The following TG variants were observed in gnomAD, a reference collection of about 807,000 sequenced individuals.
TG encodes thyroglobulin, also known as thyroid hormones.
In TG, 270 loss-of-function variants were observed where a neutral mutation model predicts 324.7. That is an observed-to-expected ratio of 0.83 (90% CI 0.75 to 0.92). TG has a LOEUF of 0.92. Ranked by LOEUF, TG falls within the 40% of genes least tolerant of loss-of-function variation. The pLI is 0.00. For synonymous variants in TG, 1,401 were observed against 1,327.0 expected (o/e 1.06, Z -1.21); for missense variants, 3,591 against 3,456.4 (o/e 1.04, Z -0.98).
intron 41 of TG, chr8:133,064,120 C>T (rs1842761579): frequency 6.6e-6 from 1 of 152,144 alleles, no homozygotes; most frequent in South Asian, 2.1e-4. Context: ...CCTTATTTTC[C>T]CTCCGGTCTT....
intron 41 of TG, among the ~76,000 whole-genome samples, chr8:133,041,643 TAGAC>T (rs911470225): frequency 6.8e-4 from 104 of 152,236 alleles, no homozygotes; most frequent in African/African-American, 2.4e-3. Context: ...TGTCCTTCCT[TAGAC>T]AGGTTAATAC....
At chr8:132,896,938 A>C (rs1354615037) in intron 11 of TG, among the ~76,000 whole-genome samples, 1 of 152,168 alleles carries the variant, frequency 6.6e-6, no homozygotes, top group African/African-American at 2.4e-5. Flanking sequence ...ATGCAGTTTC[A>C]TTAGTGGGGT....
chr8:133,052,521 A>G (rs1205878649), intron 41 of TG, among the ~76,000 whole-genome samples: 3 of 152,172 alleles, frequency 2.0e-5, no homozygotes, highest in Admixed American at 6.5e-5. Flanking sequence ...ACCTTCCCCA[A>G]ACCTGTGGGG....
chr8:133,038,496 G>A, intron 41 of TG: 1 of 1,524,698 alleles, frequency 6.6e-7, no homozygotes, highest in Non-Finnish European at 9.1e-7. Context: ...TGTTCCTTTT[G>A]GGCATGAACC....
intron 22 of TG, among the ~76,000 whole-genome samples, chr8:132,925,884 A>G (rs908295003): frequency 4.6e-5 from 7 of 152,266 alleles, no homozygotes; most frequent in African/African-American, 1.7e-4. Context: ...AACAGTTTAA[A>G]CAGTGGCACC....
chr8:132,998,580 G>C (rs754944456), intron 35 of TG, among the ~76,000 whole-genome samples: 9 of 152,218 alleles, frequency 5.9e-5, no homozygotes, highest in Non-Finnish European at 1.0e-4. Context: ...TGGACCAATG[G>C]GAGGTCTTGG....
intron 40 of TG, among the ~76,000 whole-genome samples, chr8:133,026,510 C>T (rs149630895): frequency 6.6e-6 from 1 of 152,306 alleles, no homozygotes; most frequent in African/African-American, 2.4e-5. Context: ...GCATCTGGCA[C>T]CAAGTTGTTG....
At chr8:133,048,684 G>A (rs1839902275) in intron 41 of TG, 1 of 158,242 alleles carries the variant, frequency 6.3e-6, no homozygotes, top group Admixed American at 6.1e-5. Flanking sequence ...ATGCTTGCTA[G>A]TGAATGAATG....
intron 20 of TG, among the ~76,000 whole-genome samples, chr8:132,918,346 G>GA (rs144680627): frequency 6.4e-4 from 98 of 152,180 alleles, no homozygotes; most frequent in Non-Finnish European, 1.2e-3. Flanking sequence ...GAGGCCACTT[G>GA]AAAAAAGGCC....
At chr8:133,106,132 G>T (rs1424146087) in intron 43 of TG, among the ~76,000 whole-genome samples, 2 of 152,174 alleles carry the variant, frequency 1.3e-5, no homozygotes, top group African/African-American at 4.8e-5. Flanking sequence ...GAGCCAGTGG[G>T]GGGGTTTGCC....
chr8:133,029,569 C>A (rs1836426243), intron 40 of TG, among the ~76,000 whole-genome samples: 2 of 152,148 alleles, frequency 1.3e-5, no homozygotes, highest in South Asian at 4.1e-4. Context: ...TCCTAGCTGG[C>A]AAAGGAGAGG....
At chr8:133,073,109 A>G (rs2244715) in intron 41 of TG, 122,838 of 151,992 alleles carry the variant, frequency 0.81, 49,788 homozygotes, top group African/African-American at 0.85. Flanking sequence ...TTCTTTTTAC[A>G]AGGAAAATAC....
At chr8:132,896,348 G>A (rs570065104) in intron 11 of TG, among the ~76,000 whole-genome samples, 39 of 152,312 alleles carry the variant, frequency 2.6e-4, no homozygotes, top group African/African-American at 9.4e-4. Flanking sequence ...GGTGTCCCCA[G>A]ATGGGCTCTG....
intron 41 of TG, chr8:133,050,773 A>T: frequency 1.6e-6 from 2 of 1,270,956 alleles, no homozygotes; most frequent in East Asian, 2.3e-5. Flanking sequence ...AACCAAGTTT[A>T]TCCTGCTTTG....
intron 26 of TG, among the ~76,000 whole-genome samples, chr8:132,947,637 C>CTT (rs3076090): frequency 6.7e-6 from 1 of 150,298 alleles, no homozygotes; most frequent in Non-Finnish European, 1.5e-5. Flanking sequence ...ATATATTGCC[C>CTT]TTTTTTTTTT....
At chr8:132,922,015 T>G (rs1406193605) in intron 21 of TG, among the ~76,000 whole-genome samples, 1 of 152,230 alleles carries the variant, frequency 6.6e-6, no homozygotes, top group Non-Finnish European at 1.5e-5. Flanking sequence ...TTAATATCAT[T>G]CATCCAAAAT....
intron 43 of TG, among the ~76,000 whole-genome samples, chr8:133,100,070 C>T (rs1211516641): frequency 6.6e-6 from 1 of 152,210 alleles, no homozygotes; most frequent in Non-Finnish European, 1.5e-5. Context: ...TTGATGTGAC[C>T]TCTGTTAGCT....
intron 25 of TG, among the ~76,000 whole-genome samples, chr8:132,937,034 T>C (rs1823712688): frequency 6.6e-6 from 1 of 151,876 alleles, no homozygotes; most frequent in South Asian, 2.1e-4. Flanking sequence ...AGGTGACACA[T>C]GTGAAACTGT....
chr8:132,969,910 C>CAAAAAAA (rs11335158), intron 32 of TG, among the ~76,000 whole-genome samples: 3 of 58,070 alleles, frequency 5.2e-5, no homozygotes, highest in African/African-American at 7.1e-5. Flanking sequence ...GAGACTCTGT[C>CAAAAAAA]AAAAAAAAAA....
Sources: allele counts gnomAD v4.1 joint callset (sites outside exome capture counted in the v4.1 genomes callset), GRCh38; gene constraint gnomAD v4.1.1; transcripts MANE v1.5; gene names NCBI Gene and HGNC (gene_info 2026-07-23, HGNC 2026-07-21).